Variants in LIMS2 observed in about 807,000 individuals in gnomAD.
LIMS2 encodes LIM zinc finger domain containing 2, also known as LIM and senescent cell antigen-like-containing domain protein 2.
Under a neutral mutation model 45.3 loss-of-function variants are expected in LIMS2, and 30 were observed. That is an observed-to-expected ratio of 0.66 (90% CI 0.50 to 0.90). LIMS2 has a LOEUF of 0.90. Among genes scored for constraint, LIMS2 ranks in the 40% least tolerant of loss-of-function variants. The pLI, the probability that LIMS2 is intolerant of heterozygous loss-of-function variation, is 0.00. For synonymous variants in LIMS2, 173 were observed against 188.0 expected, an observed-to-expected ratio of 0.92 and a Z score of 0.65; for missense variants, 485 against 468.7, an observed-to-expected ratio of 1.03 and a Z score of -0.32.
chr2:127,654,843 G>A lies in LIMS2; in HGVS notation c.225C>T (p.Cys75=), dbSNP rs750285589. The A allele has an allele frequency of 2.5e-6, 4 of 1,614,140 alleles. No individual in the cohort carries two copies. The South Asian group carries it at 3.3e-5, about 13-fold the overall frequency. Residue 75 remains cysteine, a synonymous_variant, in exon 3 of 10, where the codon TGC becomes TGT. Coordinates refer to ENST00000355119, the MANE Select transcript of LIMS2 (RefSeq NM_001161403.3). ...CACCGGCCTTACCGCAGGATCCACA[G>A]CACGGAGCAAACAGCATTTGGAAGT... ...EHDFQMLFAP[C]CGSCGEFIIG...
upstream of LIMS2, among the ~76,000 whole-genome samples, chr2:127,679,958 T>C (rs1685581091): frequency 6.6e-6 from 1 of 152,168 alleles, no homozygotes; most frequent in Non-Finnish European, 1.5e-5. This position sits in a 1 kb window ranked among gnomAD's most constrained non-coding sequence, Gnocchi z 5.3. Flanking sequence ...AATGGCCCCG[T>C]GTGATGTGAG....
In LIMS2 at chr2:127,638,786, T is replaced by G; in HGVS notation, c.*495A>C. The stretch of plus-strand genomic sequence containing the variant: ...ACTGGTTGAGTGAGTGGTGAGGGAT[T>G]GGAGGTGGCTCCCAGAGGCCTCCAT... On this transcript the variant is annotated 3_prime_UTR_variant, in exon 10 of 10. Coordinates refer to ENST00000355119, the MANE Select transcript of LIMS2 (RefSeq NM_001161403.3). The G allele has an allele frequency of 6.2e-6, 1 of 161,118 alleles. No homozygotes were observed. The highest frequency in any genetic ancestry group is 1.6e-4 in the South Asian group (1 of 6,166). The allele number at this position is 161,118 out of a possible 1,614,324, so 10.0% of individuals were successfully genotyped here. A position where few individuals can be genotyped will look rare whatever the true frequency, so the allele number is the denominator to read the frequency against.
chr2:127,650,791 C>A (rs749378590), intron 4 of LIMS2: 1 of 1,613,700 alleles, frequency 6.2e-7, no homozygotes, highest in Non-Finnish European at 8.5e-7. Context: ...TCCCTGGCCA[C>A]GGCAGAGCAA....
At chr2:127,639,846 G>GT (rs1323376595) in intron 9 of LIMS2, among the ~76,000 whole-genome samples, 1 of 152,248 alleles carries the variant, frequency 6.6e-6, no homozygotes, top group East Asian at 1.9e-4. Flanking sequence ...GGAGGCATGA[G>GT]TGTTCCTCCT....
At chr2:127,651,939 C>T (rs1209487811) in intron 4 of LIMS2, 3 of 635,348 alleles carry the variant, frequency 4.7e-6, no homozygotes, top group Non-Finnish European at 8.4e-6. Flanking sequence ...GGGGATCCAT[C>T]GGCCACCCCT....
rs1251091723 is a variant in LIMS2 at position 127,664,079 on chromosome 2, T to C, written c.12-6517A>G. Among the ~76,000 whole-genome samples, 1 of 152,126 alleles carries C rather than the reference T, an allele frequency of 6.6e-6. No homozygotes were observed. The highest frequency in any genetic ancestry group is 1.5e-5 in the Non-Finnish European group (1 of 68,010). On this transcript the variant is annotated intron_variant, in intron 1 of 9. Coordinates refer to ENST00000355119, the MANE Select transcript of LIMS2 (RefSeq NM_001161403.3). The surrounding 1 kb of genome is among the most constrained non-coding windows in gnomAD (Gnocchi z 5.5). ...TACACAGGCTCCCTCGTCTCTAACA[T>C]AGGTCCCTGGGCGCACCCTGCCAGG...
At position 127,672,024 on chromosome 2, in the gene LIMS2, C is replaced by T. The variant is rs774567876; in HGVS notation, c.11+2990G>A. 3.9e-5 allele frequency among the ~76,000 whole-genome samples: 6 copies of T among 152,340 alleles called. No individual in the cohort carries two copies. The East Asian group carries it at 5.8e-4, about 15-fold the overall frequency. On this transcript the variant is annotated intron_variant, in intron 1 of 9. Transcript: ENST00000355119. This position sits in a 1 kb window ranked among gnomAD's most constrained non-coding sequence, Gnocchi z 4.9. Reference sequence around the variant, plus strand: ...GGCAGGGATCTAGCAGCCTGCTCTGCGCTGTACTAAGCATGGGCTCAGCAC... The same window carrying T: ...GGCAGGGATCTAGCAGCCTGCTCTGTGCTGTACTAAGCATGGGCTCAGCAC...
At chr2:127,640,717 AC>A in intron 7 of LIMS2, 178 bp downstream of exon 7, 1 of 621,636 alleles carries the variant, frequency 1.6e-6, no homozygotes, top group Middle Eastern at 4.4e-4. Context: ...AGACACTGAG[AC>A]TGAAGAGAGC....
chr2:127,642,554 G>A lies in LIMS2; in HGVS notation c.510-355C>T. 2.8e-6 allele frequency: 1 copy of A among 363,568 alleles called. No individual in the cohort carries two copies. Among genetic ancestry groups the A allele is most frequent in the Non-Finnish European group, 5.0e-6 (1 of 199,114 alleles). The allele number at this position is 363,568 out of a possible 1,614,324, so 22.5% of individuals were successfully genotyped here. A position where few individuals can be genotyped will look rare whatever the true frequency, so the allele number is the denominator to read the frequency against. On this transcript the variant is annotated intron_variant, in intron 5 of 9. Transcript: ENST00000355119. The surrounding 1 kb of genome is among the most constrained non-coding windows in gnomAD (Gnocchi z 5.3). Reference sequence around the variant, plus strand: ...GGTGGGCGAGGACGGGGGCTGAGGGGCTGCCTATGCAACTCCTCTCTCCAA... The same window carrying A: ...GGTGGGCGAGGACGGGGGCTGAGGGACTGCCTATGCAACTCCTCTCTCCAA...
intron 1 of LIMS2, among the ~76,000 whole-genome samples, chr2:127,670,785 G>A (rs368547840): frequency 6.6e-6 from 1 of 152,192 alleles, no homozygotes; most frequent in South Asian, 2.1e-4. Flanking sequence ...AGGCAGAGAC[G>A]GACAGAGGCA....
At chr2:127,657,051 C>T (rs756776007) in intron 2 of LIMS2, among the ~76,000 whole-genome samples, 21 of 152,238 alleles carry the variant, frequency 1.4e-4, no homozygotes, top group Non-Finnish European at 2.2e-4. Flanking sequence ...GAACCCTGAC[C>T]CCCAGGGCAT....
chr2:127,669,714 TC>T (rs1156991013), intron 1 of LIMS2, among the ~76,000 whole-genome samples: 1 of 142,066 alleles, frequency 7.0e-6, no homozygotes, highest in African/African-American at 2.6e-5. Flanking sequence ...TGAGACTCCA[TC>T]TTAAAAAAAA....
At position 127,671,674 on chromosome 2, in the gene LIMS2, A is replaced by G. The variant is rs1685275281; in HGVS notation, c.11+3340T>C. On this transcript the variant is annotated intron_variant, in intron 1 of 9. Coordinates refer to ENST00000355119, the MANE Select transcript of LIMS2 (RefSeq NM_001161403.3). The surrounding 1 kb of genome is among the most constrained non-coding windows in gnomAD (Gnocchi z 4.1). Reference sequence around the variant, plus strand: ...CACCACGGGACTGGACACCCTGCAGATCAGTCCCTCCATCCCTATTATGCC... The same window carrying G: ...CACCACGGGACTGGACACCCTGCAGGTCAGTCCCTCCATCCCTATTATGCC... 6.6e-6 allele frequency among the ~76,000 whole-genome samples: 1 copy of G among 152,216 alleles called. No individual in the cohort carries two copies. The highest frequency in any genetic ancestry group is 6.5e-5 in the Admixed American group (1 of 15,282).
chr2:127,639,113 GAC>G lies in LIMS2; in HGVS notation c.*166_*167del, dbSNP rs1682125233. 1 of 717,502 alleles carries G rather than the reference GAC, an allele frequency of 1.4e-6. No individual in the cohort carries two copies. Among genetic ancestry groups the G allele is most frequent in the Non-Finnish European group, 2.3e-6 (1 of 444,076 alleles). 44.4% of individuals were successfully genotyped at this position (717,502 alleles called of 1,614,324 possible). On this transcript the variant is annotated 3_prime_UTR_variant, in exon 10 of 10. Transcript: ENST00000355119. ...AGAAGCCACGGCCAAGGAGAGGAGAGACATGGGGAAGGCAGAGATGAGGGAAC... is the reference window on the plus strand; with the variant it reads ...AGAAGCCACGGCCAAGGAGAGGAGAGATGGGGAAGGCAGAGATGAGGGAAC...
rs752006518 is a variant in LIMS2 at position 127,640,331 on chromosome 2, C to T, written c.754-13G>A. The T allele has an allele frequency of 5.0e-6, 8 of 1,612,022 alleles. No homozygotes were observed. Among genetic ancestry groups the T allele is most frequent in the Non-Finnish European group, 6.8e-6 (8 of 1,179,714 alleles). On this transcript the variant is annotated splice_polypyrimidine_tract_variant and intron_variant, in intron 7 of 9. Coordinates refer to ENST00000355119, the MANE Select transcript of LIMS2 (RefSeq NM_001161403.3). ...CGTCCCCGAAGAGCTGTGGGCCGAG[C>T]AGGCTGTCAGAGTAGCTGCAGGCAG...
At chr2:127,650,477 T>C (rs1488319926) in intron 4 of LIMS2, 3 of 563,816 alleles carry the variant, frequency 5.3e-6, no homozygotes, top group African/African-American at 3.7e-5. Flanking sequence ...GGGGTGCAGC[T>C]GCATAGCGGC....
chr2:127,658,972 G>A (rs546450501), intron 1 of LIMS2, among the ~76,000 whole-genome samples: 16 of 152,210 alleles, frequency 1.1e-4, no homozygotes, highest in Non-Finnish European at 1.5e-4. Context: ...CTGTCGGGCT[G>A]TTCTGCGGCC....
chr2:127,650,590 G>A (rs747239321), intron 4 of LIMS2: 18 of 675,952 alleles, frequency 2.7e-5, no homozygotes, highest in Non-Finnish European at 3.8e-5. Context: ...CAGCAGCCCC[G>A]TGGGCGGTGC....
At chr2:127,655,127 G>A (rs1025281608) in intron 2 of LIMS2, 5 of 605,654 alleles carry the variant, frequency 8.3e-6, no homozygotes, top group Non-Finnish European at 1.5e-5. Flanking sequence ...AGGTCCGTGA[G>A]GCCACCTGTC....
Sources: gnomAD v4.1 joint callset for allele counts (sites outside exome capture counted in the v4.1 genomes callset) on GRCh38, gnomAD v4.1.1 for gene constraint, Gnocchi (gnomAD v3.1) non-coding constraint, MANE v1.5 for transcripts, NCBI Gene and HGNC (gene_info 2026-07-23, HGNC 2026-07-21) for gene names.